Variants in WDR49 observed in about 807,000 individuals in gnomAD.
WDR49 encodes the protein WD repeat domain 49.
In WDR49, 107 loss-of-function variants were observed where a neutral mutation model predicts 119.5. The observed-to-expected ratio is 0.90, with a 90% confidence interval of 0.77 to 1.05. The LOEUF (loss-of-function observed/expected upper bound fraction) is 1.05. WDR49 is among the 50% of genes least tolerant of loss of function. WDR49 has a pLI of 0.00. For synonymous variants in WDR49, 425 were observed against 418.8 expected, an observed-to-expected ratio of 1.01 and a Z score of -0.18; for missense variants, 1,240 against 1,220.5, an observed-to-expected ratio of 1.02 and a Z score of -0.24.
chr3:167,602,058 T>C, intron 7 of WDR49, 69 bp downstream of exon 7: 1 of 1,492,164 alleles, frequency 6.7e-7, no homozygotes. Context: ...GAAATTCAGA[T>C]CCCAGAGTTG....
chr3:167,551,465 T>C (rs1487782421), intron 10 of WDR49, among the ~76,000 whole-genome samples: 1 of 152,082 alleles, frequency 6.6e-6, no homozygotes, highest in Non-Finnish European at 1.5e-5. Flanking sequence ...ATTCAATTAA[T>C]CATTTAGTTT....
chr3:167,555,971 A>G (rs1712899838), intron 9 of WDR49, among the ~76,000 whole-genome samples: 1 of 152,176 alleles, frequency 6.6e-6, no homozygotes, highest in African/African-American at 2.4e-5. Context: ...TGTACTGAAT[A>G]CTGTCAACAA....
chr3:167,568,621 T>A (rs1324954744), intron 8 of WDR49, among the ~76,000 whole-genome samples: 1 of 152,196 alleles, frequency 6.6e-6, no homozygotes, highest in Non-Finnish European at 1.5e-5. Context: ...CTATGGTACA[T>A]ATCAAGCAAA....
At chr3:167,622,149 G>C (rs950746121) in intron 3 of WDR49, among the ~76,000 whole-genome samples, 7 of 152,082 alleles carry the variant, frequency 4.6e-5, no homozygotes, top group African/African-American at 1.7e-4. Flanking sequence ...TGTCCCTGTA[G>C]AGATTCACAC....
At position 167,557,754 on chromosome 3, in the gene WDR49, A is replaced by G. The variant is rs1713023450; in HGVS notation, c.1674+2310T>C. On this transcript the variant is annotated intron_variant, in intron 9 of 18. Transcript: ENST00000682715. ...GGCAACAGAGCGAGACTCCGTCTCAAAAAAAAAAAAAAAATCAGGATAAGA... is the reference window on the plus strand; with the variant it reads ...GGCAACAGAGCGAGACTCCGTCTCAGAAAAAAAAAAAAAATCAGGATAAGA... Among the ~76,000 whole-genome samples, 3 of 140,314 alleles carry G rather than the reference A, an allele frequency of 2.1e-5. No individual in the cohort carries two copies. In the South Asian group the frequency reaches 6.8e-4, roughly 32 times the overall value. The allele number at this position is 140,314 out of a possible 152,430, so 92.1% of individuals were successfully genotyped here.
chr3:167,501,600 T>C (rs960625716), intron 17 of WDR49, among the ~76,000 whole-genome samples: 1 of 152,216 alleles, frequency 6.6e-6, no homozygotes, highest in African/African-American at 2.4e-5. Context: ...ATATCTGCTC[T>C]ATGAAAGTGT....
rs531919073 is a variant in WDR49 at position 167,617,270 on chromosome 3, T to C, written c.958+3159A>G. On this transcript the variant is annotated intron_variant, in intron 5 of 18. Transcript: ENST00000682715. Reference sequence around the variant, plus strand: ...GGCCAGACACAGTGGCTCACACCTATAATCCCAGGACTGTGGGAGGCCCAG... The same window carrying C: ...GGCCAGACACAGTGGCTCACACCTACAATCCCAGGACTGTGGGAGGCCCAG... Among the ~76,000 whole-genome samples the C allele has an allele frequency of 1.7e-4, 26 of 152,324 alleles. No individual in the cohort carries two copies. In the South Asian group the frequency reaches 5.4e-3, roughly 32 times the overall value.
intron 7 of WDR49, among the ~76,000 whole-genome samples, chr3:167,601,429 C>A (rs1366731522): frequency 6.6e-6 from 1 of 152,100 alleles, no homozygotes; most frequent in Non-Finnish European, 1.5e-5. Flanking sequence ...CTCTTCATAA[C>A]CAACTATCTT....
intron 7 of WDR49, among the ~76,000 whole-genome samples, chr3:167,590,419 A>G (rs1430469831): frequency 1.3e-5 from 2 of 152,092 alleles, no homozygotes; most frequent in African/African-American, 2.4e-5. Context: ...GTTTTGTAGA[A>G]TGAGTTTGGA....
intron 5 of WDR49, among the ~76,000 whole-genome samples, chr3:167,609,663 C>G (rs1008124695): frequency 6.6e-6 from 1 of 152,126 alleles, no homozygotes; most frequent in Non-Finnish European, 1.5e-5. Flanking sequence ...GAACTAGGCC[C>G]AGAGACAATG....
intron 9 of WDR49, among the ~76,000 whole-genome samples, chr3:167,555,295 G>C (rs1448195483): frequency 6.6e-6 from 1 of 152,156 alleles, no homozygotes; most frequent in Non-Finnish European, 1.5e-5. Context: ...CATACGTGGA[G>C]GTTGCTGGTG....
At position 167,536,854 on chromosome 3, in the gene WDR49, T is replaced by G. The variant is rs773946651; in HGVS notation, c.1954+16A>C. ...TCAAACTTCACCAATGATTGTCAAG[T>G]GAAAGTTCAATTTACCCGTAACAAG... On this transcript the variant is annotated intron_variant, in intron 11 of 18. Transcript: ENST00000682715. 5.4e-6 allele frequency: 8 copies of G among 1,476,290 alleles called. No individual in the cohort carries two copies. The South Asian group carries it at 1.1e-4, about 20-fold the overall frequency. 91.4% of individuals were successfully genotyped at this position (1,476,290 alleles called of 1,614,324 possible). A position where few individuals can be genotyped will look rare whatever the true frequency, so the allele number is the denominator to read the frequency against.
chr3:167,648,166 A>G (rs1718212905), intron 2 of WDR49, among the ~76,000 whole-genome samples: 1 of 152,168 alleles, frequency 6.6e-6, no homozygotes, highest in Non-Finnish European at 1.5e-5. Flanking sequence ...TTATTTGTAA[A>G]TGGGAAGTAA....
chr3:167,605,109 C>T (rs1208690920), intron 5 of WDR49, among the ~76,000 whole-genome samples: 5 of 151,262 alleles, frequency 3.3e-5, no homozygotes, highest in East Asian at 2.0e-4. Flanking sequence ...TATATACACA[C>T]ACACACACAC....
intron 8 of WDR49, among the ~76,000 whole-genome samples, chr3:167,572,812 A>T (rs548303476): frequency 2.6e-5 from 4 of 152,298 alleles, no homozygotes; most frequent in East Asian, 3.9e-4. Flanking sequence ...GACTTCAGGG[A>T]GCTGAGGACC....
intron 16 of WDR49, among the ~76,000 whole-genome samples, chr3:167,511,263 CAA>C (rs1199791231): frequency 6.6e-6 from 1 of 152,082 alleles, no homozygotes; most frequent in African/African-American, 2.4e-5. Context: ...CTCATTATTA[CAA>C]AGTCTTAAAA....
intron 7 of WDR49, among the ~76,000 whole-genome samples, chr3:167,586,206 G>A (rs1417291001): frequency 6.6e-6 from 1 of 152,158 alleles, no homozygotes; most frequent in Non-Finnish European, 1.5e-5. Context: ...ATAGTTAGGA[G>A]TAATGAAAAA....
At chr3:167,545,630 T>A (rs1178920432) in intron 10 of WDR49, among the ~76,000 whole-genome samples, 1 of 149,742 alleles carries the variant, frequency 6.7e-6, no homozygotes, top group Non-Finnish European at 1.5e-5. Context: ...TCAAACATTG[T>A]ATGTTCTCAC....
chr3:167,602,270 C>A lies in WDR49; in HGVS notation c.1132G>T (p.Ala378Ser). The A allele has an allele frequency of 6.4e-7, 1 of 1,566,662 alleles. No individual in the cohort carries two copies. Among genetic ancestry groups the A allele is most frequent in the Non-Finnish European group, 8.7e-7 (1 of 1,148,658 alleles). The change falls in exon 7 of 19, where the codon GCT becomes TCT. Residue 378 changes from alanine (A) to serine (S), a missense_variant. Physicochemically the swap from Ala to Ser is moderately conservative, Grantham distance 99. Transcript: ENST00000682715. ...YHSRLNLIATAGINNKVCLWN... is the reference protein window; with the variant it reads ...YHSRLNLIATSGINNKVCLWN... The stretch of plus-strand genomic sequence containing the variant: ...AGGCAAACTTTATTGTTAATGCCAG[C>A]AGTTGCTAATCAGAATTAGAAAGAA...
Sources: allele counts gnomAD v4.1 joint callset (sites outside exome capture counted in the v4.1 genomes callset), GRCh38; gene constraint gnomAD v4.1.1; transcripts MANE v1.5; gene names NCBI Gene and HGNC (gene_info 2026-07-23, HGNC 2026-07-21).